The following AGTPBP1 variants were observed in gnomAD, a reference collection of about 807,000 sequenced individuals.
The protein encoded by AGTPBP1 is ATP/GTP binding carboxypeptidase 1, also known as cytosolic carboxypeptidase 1.
AGTPBP1 carries 70 observed loss-of-function variants against 143.9 expected under a neutral mutation model. That is an observed-to-expected ratio of 0.49 (90% CI 0.40 to 0.59). The LOEUF is 0.59. Among genes scored for constraint, AGTPBP1 ranks in the 20% least tolerant of loss-of-function variants. AGTPBP1 has a pLI of 0.00. For missense variants in AGTPBP1, 1,229 were observed against 1,464.5 expected, an observed-to-expected ratio of 0.84 and a Z score of 2.62; for synonymous variants, 463 against 500.2, an observed-to-expected ratio of 0.93 and a Z score of 0.99.
chr9:85,572,691 AC>A (rs1427753208), intron 25 of AGTPBP1, among the ~76,000 whole-genome samples: 1 of 152,208 alleles, frequency 6.6e-6, no homozygotes, highest in African/African-American at 2.4e-5. Context: ...AGCACCAGTA[AC>A]GGTCTGTTGA....
chr9:85,570,214 G>A (rs1302166826), intron 25 of AGTPBP1, among the ~76,000 whole-genome samples: 1 of 152,190 alleles, frequency 6.6e-6, no homozygotes, highest in Non-Finnish European at 1.5e-5. Flanking sequence ...GGAATGGAGT[G>A]GGATGGCAGG....
intron 14 of AGTPBP1, among the ~76,000 whole-genome samples, chr9:85,623,521 G>A (rs1219675734): frequency 6.6e-6 from 1 of 152,016 alleles, no homozygotes; most frequent in African/African-American, 2.4e-5. Context: ...CTGGGAGGCC[G>A]AGGCAGGAGG....
chr9:85,644,036 C>T (rs1832658523), intron 12 of AGTPBP1, among the ~76,000 whole-genome samples: 1 of 151,874 alleles, frequency 6.6e-6, no homozygotes, highest in Non-Finnish European at 1.5e-5. Context: ...ATGTATCTGA[C>T]CATACTTACA....
chr9:85,711,477 T>G (rs1212020180), intron 2 of AGTPBP1, among the ~76,000 whole-genome samples: 1 of 151,284 alleles, frequency 6.6e-6, no homozygotes, highest in Non-Finnish European at 1.5e-5. Flanking sequence ...TCTCACTGTG[T>G]TGCCCAGGCT....
chr9:85,547,496 G>C (rs1325544988), intron 25 of AGTPBP1, among the ~76,000 whole-genome samples: 1 of 152,188 alleles, frequency 6.6e-6, no homozygotes, highest in African/African-American at 2.4e-5. Context: ...ATCATTAATT[G>C]TATTACAAGA....
At chr9:85,768,775 T>C in the AGTPBP1 span, among the ~76,000 whole-genome samples, 5 of 151,868 alleles carry the variant, frequency 3.3e-5, no homozygotes, top group Non-Finnish European at 7.4e-5. Flanking sequence ...TGGCCAGGCA[T>C]GGTGGCTCAC....
At chr9:85,721,192 C>T (rs1838090741) in intron 1 of AGTPBP1, among the ~76,000 whole-genome samples, 1 of 152,168 alleles carries the variant, frequency 6.6e-6, no homozygotes, top group East Asian at 1.9e-4. Flanking sequence ...CCACTTGGTC[C>T]AGAGCTGAGT....
Position 85,655,150 on chromosome 9 carries a change from A to T in AGTPBP1, c.1080T>A (p.Pro360=). The T allele has an allele frequency of 6.2e-7, 1 of 1,611,394 alleles. No individual in the cohort carries two copies. Among genetic ancestry groups the T allele is most frequent in the Non-Finnish European group, 8.5e-7 (1 of 1,178,730 alleles). Reference sequence around the variant, plus strand: ...GTGACCCTGTGATCCTACCTTCAGGAGGTAAGCTGTAGAGCTGAGCCACAG... The same window carrying T: ...GTGACCCTGTGATCCTACCTTCAGGTGGTAAGCTGTAGAGCTGAGCCACAG... ...TGPVAQLYSL[P]PEVDDVVDES... is the part of the protein sequence containing the mutation. The change falls in exon 11 of 26, where the codon CCT becomes CCA. Residue 360 remains proline (P), a synonymous_variant. Transcript: ENST00000357081.
intron 23 of AGTPBP1, among the ~76,000 whole-genome samples, chr9:85,581,801 T>C (rs1240887750): frequency 2.0e-5 from 3 of 152,166 alleles, no homozygotes; most frequent in Admixed American, 1.3e-4. Flanking sequence ...TGGAAGCAAA[T>C]ACATGATTTA....
intron 25 of AGTPBP1, among the ~76,000 whole-genome samples, chr9:85,571,198 A>C (rs1005271077): frequency 1.3e-5 from 2 of 152,202 alleles, no homozygotes; most frequent in African/African-American, 2.4e-5. Context: ...AAAAGCAATA[A>C]ATAACTACTA....
chr9:85,588,539 C>T (rs1001375589), intron 20 of AGTPBP1, 61 bp from the exon 21 acceptor site: 115 of 1,523,432 alleles, frequency 7.5e-5, no homozygotes, highest in Non-Finnish European at 9.6e-5. Context: ...GTATATTTTA[C>T]TTTGGGGCTT....
intron 13 of AGTPBP1, among the ~76,000 whole-genome samples, chr9:85,637,300 C>T (rs1450882034): frequency 6.6e-6 from 1 of 152,082 alleles, no homozygotes; most frequent in African/African-American, 2.4e-5. Flanking sequence ...GCTTCAGCCT[C>T]TGAAAGTGCT....
chr9:85,787,477 C>A, the AGTPBP1 span, among the ~76,000 whole-genome samples: 4 of 152,066 alleles, frequency 2.6e-5, no homozygotes, highest in Non-Finnish European at 1.5e-5. Flanking sequence ...TTTCTATAAC[C>A]TCCTTAGTCA....
intron 25 of AGTPBP1, among the ~76,000 whole-genome samples, chr9:85,572,953 T>A (rs899535787): frequency 1.3e-5 from 2 of 152,158 alleles, no homozygotes; most frequent in African/African-American, 4.8e-5. Context: ...GATGACAAGT[T>A]AATACCTAAC....
chr9:85,703,568 C>G (rs1303783075), intron 2 of AGTPBP1, among the ~76,000 whole-genome samples: 1 of 152,224 alleles, frequency 6.6e-6, no homozygotes, highest in East Asian at 1.9e-4. Flanking sequence ...AGATTTATGG[C>G]TTGCACTTCT....
At chr9:85,717,054 A>T (rs184218839) in intron 1 of AGTPBP1, among the ~76,000 whole-genome samples, 1 of 152,284 alleles carries the variant, frequency 6.6e-6, no homozygotes, top group East Asian at 1.9e-4. Flanking sequence ...CACCACTTCC[A>T]TTGCTCAAGT....
upstream of AGTPBP1, chr9:85,741,957 C>A (rs1005603182): frequency 7.1e-6 from 9 of 1,259,322 alleles, no homozygotes; most frequent in African/African-American, 7.8e-5. Context: ...CGGAACCTGT[C>A]CGCATCCCGG....
chr9:85,708,691 C>T (rs1300691020), intron 2 of AGTPBP1, among the ~76,000 whole-genome samples: 1 of 152,140 alleles, frequency 6.6e-6, no homozygotes, highest in Admixed American at 6.5e-5. Flanking sequence ...GCATCCACCA[C>T]CACGCCCGTA....
chr9:85,555,710 C>A (rs1449812337), intron 25 of AGTPBP1, among the ~76,000 whole-genome samples: 2 of 152,230 alleles, frequency 1.3e-5, no homozygotes, highest in Non-Finnish European at 2.9e-5. Context: ...AGGGGGAAGA[C>A]CCACTTAGAA....
Sources: gnomAD v4.1 joint callset for allele counts (sites outside exome capture counted in the v4.1 genomes callset) on GRCh38, gnomAD v4.1.1 for gene constraint, MANE v1.5 for transcripts, NCBI Gene and HGNC (gene_info 2026-07-23, HGNC 2026-07-21) for gene names.